OSBPL3: variants seen among roughly 807,000 people sequenced by gnomAD.
OSBPL3 encodes oxysterol binding protein like 3.
A neutral mutation model predicts 120.1 loss-of-function variants in OSBPL3; 65 were observed. The observed-to-expected ratio is 0.54, with a 90% CI of 0.44 to 0.67. The LOEUF (loss-of-function observed/expected upper bound fraction) is 0.67, where lower values mean the gene tolerates loss of function less well. Ranked by LOEUF, OSBPL3 falls within the 30% of genes least tolerant of loss-of-function variation. The probability of loss-of-function intolerance (pLI) is 0.00; values close to 1 mark genes in which losing one functional copy is unlikely to be tolerated. For missense variants in OSBPL3, 1,004 were observed against 1,082.1 expected, an observed-to-expected ratio of 0.93 and a Z score of 1.01; for synonymous variants, 416 against 402.6, an observed-to-expected ratio of 1.03 and a Z score of -0.40.
rs1401014971 is a variant in OSBPL3 at position 24,816,638 on chromosome 7, T to C, written c.1999A>G (p.Ile667Val). ...GGCAGAGTCACATGGGTTGTGCCAA[T>C]TGGAACAATTTCCATGGATTTGCCC... Reference protein sequence around the residue: ...FWGKSMEIVPIGTTHVTLPVF... With the variant: ...FWGKSMEIVPVGTTHVTLPVF... Residue 667 changes from isoleucine to valine, a missense_variant, in exon 18 of 23, where the codon ATT (isoleucine) becomes GTT (valine). Physicochemically the swap from Ile to Val is conservative, Grantham distance 29. This residue lies in a region of OSBPL3 where 473 missense variants were observed against 568.0 expected (regional missense o/e 0.83). Coordinates refer to ENST00000313367, the MANE Select transcript of OSBPL3 (RefSeq NM_015550.4). 9.3e-6 allele frequency: 15 copies of C among 1,612,876 alleles called. No individual in the cohort carries two copies. The Admixed American group carries it at 1.2e-4, about 13-fold the overall frequency.
intron 13 of OSBPL3, among the ~76,000 whole-genome samples, chr7:24,841,690 G>C (rs78593157): frequency 0.13 from 4,548 of 35,052 alleles, 244 homozygotes; most frequent in East Asian, 0.51. Context: ...ATGAGACTAT[G>C]TCTCAAAAAA....
At chr7:24,843,733 C>A (rs937232511) in intron 12 of OSBPL3, among the ~76,000 whole-genome samples, 1 of 152,196 alleles carries the variant, frequency 6.6e-6, no homozygotes, top group Admixed American at 6.5e-5. Context: ...AACCAAGCCT[C>A]TTCTCTACCC....
intron 2 of OSBPL3, among the ~76,000 whole-genome samples, chr7:24,884,509 A>G (rs1804196680): frequency 6.6e-6 from 1 of 152,198 alleles, no homozygotes. Context: ...TCCTGAGAGC[A>G]GCCTAGACAC....
intron 1 of OSBPL3, among the ~76,000 whole-genome samples, chr7:24,973,157 C>G (rs998765559): frequency 2.0e-5 from 3 of 152,138 alleles, no homozygotes; most frequent in Non-Finnish European, 4.4e-5. Flanking sequence ...TAACTCAGAT[C>G]TACTCTCACA....
rs163 is a variant in OSBPL3 at position 24,965,555 on chromosome 7, C to A, written c.-150+14331G>T. 3.2e-4 allele frequency among the ~76,000 whole-genome samples: 49 copies of A among 152,142 alleles called. No individual in the cohort carries two copies. The East Asian group carries it at 4.2e-3, about 13-fold the overall frequency. On this transcript the variant is annotated intron_variant, in intron 1 of 22. Coordinates refer to ENST00000313367, the MANE Select transcript of OSBPL3 (RefSeq NM_015550.4). The surrounding 1 kb of genome is among the most constrained non-coding windows in gnomAD (Gnocchi z 4.3). ...GGCTGGTTAAGACTTGGTCTTCTGC[C>A]TGCTGAACCAATGCTTGGATTTGCT...
rs1804005797 is a variant in OSBPL3 at position 24,883,368 on chromosome 7, C to G, written c.96+9009G>C. On this transcript the variant is annotated intron_variant, in intron 2 of 22. Coordinates refer to ENST00000313367, the MANE Select transcript of OSBPL3 (RefSeq NM_015550.4). This position sits in a 1 kb window ranked among gnomAD's most constrained non-coding sequence, Gnocchi z 5.4. The stretch of plus-strand genomic sequence containing the variant: ...TGGACCTTTAGTATTTTAATATTAT[C>G]AAATTACTGAAGCAGACTTTCCCCT... 2.0e-5 allele frequency among the ~76,000 whole-genome samples: 3 copies of G among 152,074 alleles called. No homozygotes were observed. Among genetic ancestry groups the G allele is most frequent in the Admixed American group, 2.0e-4 (3 of 15,260 alleles).
rs1453692540 is a variant in OSBPL3 at position 24,872,446 on chromosome 7, AGAGTGTGTGT to A, written c.97-387_97-378del. 6.0e-5 allele frequency among the ~76,000 whole-genome samples: 5 copies of A among 83,448 alleles called. No individual in the cohort carries two copies. In the South Asian group the frequency reaches 1.9e-3, roughly 31 times the overall value. 54.7% of individuals were successfully genotyped at this position (83,448 alleles called of 152,430 possible). ...CTTCAGTCTGAATTTTAACCGAAAG[AGAGTGTGTGT>A]GTGTGTGTGTGTGTGTGTGTGTGTG... is the stretch of plus-strand genomic sequence containing the variant. On this transcript the variant is annotated intron_variant, in intron 2 of 22. Transcript: ENST00000313367. This position sits in a 1 kb window ranked among gnomAD's most constrained non-coding sequence, Gnocchi z 4.1.
At chr7:24,957,716 A>G (rs1307192905) in intron 1 of OSBPL3, among the ~76,000 whole-genome samples, 1 of 152,160 alleles carries the variant, frequency 6.6e-6, no homozygotes, top group Admixed American at 6.5e-5. Flanking sequence ...GGTTACTGTG[A>G]GAACAGCAAC....
chr7:24,949,181 T>G (rs1025711540), intron 1 of OSBPL3, among the ~76,000 whole-genome samples: 1 of 152,250 alleles, frequency 6.6e-6, no homozygotes, highest in African/African-American at 2.4e-5. Flanking sequence ...TTTTACACAC[T>G]GTATAACCTG....
intron 1 of OSBPL3, among the ~76,000 whole-genome samples, chr7:24,951,063 G>C (rs543677003): frequency 7.4e-4 from 112 of 152,104 alleles, no homozygotes; most frequent in Middle Eastern, 6.8e-3. Context: ...TCAAAACAAC[G>C]ATCTCCCTCC....
rs1004879722 is a variant in OSBPL3 at position 24,918,631 on chromosome 7, C to T, written c.-149-26010G>A. 6.6e-6 allele frequency among the ~76,000 whole-genome samples: 1 copy of T among 152,170 alleles called. No individual in the cohort carries two copies. The highest frequency in any genetic ancestry group is 2.1e-4 in the South Asian group (1 of 4,834). ...AAGAAAATGGGATCAACATTTAGTACTCACTTAACAAATGTTCACTAATCA... is the reference window on the plus strand; with the variant it reads ...AAGAAAATGGGATCAACATTTAGTATTCACTTAACAAATGTTCACTAATCA... On this transcript the variant is annotated intron_variant, in intron 1 of 22. Coordinates refer to ENST00000313367, the MANE Select transcript of OSBPL3 (RefSeq NM_015550.4). The surrounding 1 kb of genome is among the most constrained non-coding windows in gnomAD (Gnocchi z 4.3).
Position 24,820,308 on chromosome 7 carries a change from T to A in OSBPL3, c.1885-70A>T. The A allele has an allele frequency of 8.9e-7, 1 of 1,126,746 alleles. No individual in the cohort carries two copies. Among genetic ancestry groups the A allele is most frequent in the East Asian group, 2.5e-5 (1 of 39,604 alleles). The allele number at this position is 1,126,746 out of a possible 1,614,324, so 69.8% of individuals were successfully genotyped here. A position where few individuals can be genotyped will look rare whatever the true frequency, so the allele number is the denominator to read the frequency against. On this transcript the variant is annotated intron_variant, in intron 16 of 22. Transcript: ENST00000313367. The surrounding 1 kb of genome is among the most constrained non-coding windows in gnomAD (Gnocchi z 4.6). ...TGTGTCTCATGAAATCCATTCTTTC[T>A]CCCCTGCACTGAGATGTAACAGCGT...
intron 22 of OSBPL3, among the ~76,000 whole-genome samples, chr7:24,801,141 C>T (rs1792285260): frequency 1.4e-5 from 2 of 146,196 alleles, no homozygotes; most frequent in East Asian, 2.1e-4. Flanking sequence ...CTCAAGAGGC[C>T]GAGGCAGGAG....
intron 1 of OSBPL3, among the ~76,000 whole-genome samples, chr7:24,925,512 GC>G (rs1376828485): frequency 6.6e-6 from 1 of 152,166 alleles, no homozygotes; most frequent in African/African-American, 2.4e-5. Context: ...CAGTGGACAG[GC>G]CTGTTTGAGG....
intron 22 of OSBPL3, among the ~76,000 whole-genome samples, chr7:24,801,891 C>T (rs2128092981): frequency 6.6e-6 from 1 of 152,298 alleles, no homozygotes; most frequent in Non-Finnish European, 1.5e-5. Context: ...GGATGGACCA[C>T]AATTTACTTA....
intron 20 of OSBPL3, among the ~76,000 whole-genome samples, chr7:24,807,665 G>A (rs1442430800): frequency 6.6e-6 from 1 of 152,062 alleles, no homozygotes. Context: ...AGAGCAAGTG[G>A]TTAATAAATG....
In OSBPL3 at chr7:24,879,370, T is replaced by C. The variant is rs1803314501; in HGVS notation, c.97-7301A>G. ...AAGCTCCCACTTGGGTTCTGATGAC[T>C]AAATGGGAGTAGCAGTCATCACCCG... On this transcript the variant is annotated intron_variant, in intron 2 of 22. Coordinates refer to ENST00000313367, the MANE Select transcript of OSBPL3 (RefSeq NM_015550.4). The surrounding 1 kb of genome is among the most constrained non-coding windows in gnomAD (Gnocchi z 5.6). 1.3e-5 allele frequency among the ~76,000 whole-genome samples: 2 copies of C among 152,186 alleles called. No individual in the cohort carries two copies. The highest frequency in any genetic ancestry group is 2.9e-5 in the Non-Finnish European group (2 of 68,034).
chr7:24,929,001 A>G (rs1811445911), intron 1 of OSBPL3, among the ~76,000 whole-genome samples: 2 of 152,204 alleles, frequency 1.3e-5, no homozygotes, highest in Admixed American at 1.3e-4. Context: ...TCTTGGGTAA[A>G]TACAAAGAAG....
rs758051013 is a variant in OSBPL3, at chr7:24,817,368, T to G, written c.1949-680A>C. ...CCCTTCTCTATTAAAAATACAAAAA[T>G]TAGCTGGGCGTTGTGGTGGGTGCCT... On this transcript the variant is annotated intron_variant, in intron 17 of 22. Coordinates refer to ENST00000313367, the MANE Select transcript of OSBPL3 (RefSeq NM_015550.4). The surrounding 1 kb of genome is among the most constrained non-coding windows in gnomAD (Gnocchi z 4.0). 1.3e-5 allele frequency among the ~76,000 whole-genome samples: 2 copies of G among 151,972 alleles called. No individual in the cohort carries two copies. Among genetic ancestry groups the G allele is most frequent in the African/African-American group, 4.8e-5 (2 of 41,380 alleles).
Sources: allele counts gnomAD v4.1 joint callset (sites outside exome capture counted in the v4.1 genomes callset), GRCh38; gene constraint gnomAD v4.1.1; regional missense constraint gnomAD v4.1.1; non-coding constraint Gnocchi (gnomAD v3.1); transcripts MANE v1.5; gene names NCBI Gene and HGNC (gene_info 2026-07-23, HGNC 2026-07-21).